The following FHIT variants were observed in gnomAD, a reference collection of about 807,000 sequenced individuals.
FHIT encodes bis(5'-adenosyl)-triphosphatase.
Under a neutral mutation model 17.9 loss-of-function variants are expected in FHIT, and 19 were observed. That is an observed-to-expected ratio of 1.06 (90% CI 0.74 to 1.56). FHIT has a LOEUF of 1.56. Among genes scored for constraint, FHIT ranks in the 40% most tolerant of loss-of-function variants. The pLI, the probability that FHIT is intolerant of heterozygous loss-of-function variation, is 0.00. For synonymous variants in FHIT, 81 were observed against 69.7 expected, an observed-to-expected ratio of 1.16 and a Z score of -0.81; for missense variants, 248 against 189.2, an observed-to-expected ratio of 1.31 and a Z score of -1.82.
intron 4 of FHIT, among the ~76,000 whole-genome samples, chr3:60,780,699 A>T (rs1398039343): frequency 1.3e-5 from 2 of 152,146 alleles, no homozygotes; most frequent in Admixed American, 6.6e-5. Context: ...GTCAGTCTTC[A>T]TCCTTATCCT....
At chr3:61,146,185 T>C (rs1264447963) in intron 2 of FHIT, among the ~76,000 whole-genome samples, 2 of 152,048 alleles carry the variant, frequency 1.3e-5, no homozygotes. Context: ...AGTAGTAAAA[T>C]GAAACATATG....
chr3:61,185,668 T>G (rs1183472282), intron 2 of FHIT, among the ~76,000 whole-genome samples: 1 of 152,160 alleles, frequency 6.6e-6, no homozygotes, highest in African/African-American at 2.4e-5. Flanking sequence ...TAATTCTTAA[T>G]GTTCACAATA....
At chr3:60,519,513 T>C (rs1173257387) in intron 5 of FHIT, among the ~76,000 whole-genome samples, 1 of 152,190 alleles carries the variant, frequency 6.6e-6, no homozygotes, top group Non-Finnish European at 1.5e-5. Context: ...ACTGGAAGCC[T>C]TACCAATAAA....
intron 5 of FHIT, among the ~76,000 whole-genome samples, chr3:60,262,531 T>C (rs1430149236): frequency 2.6e-5 from 4 of 152,048 alleles, no homozygotes; most frequent in African/African-American, 9.7e-5. Flanking sequence ...TGACTATTCT[T>C]ACTCTATCAT....
intron 4 of FHIT, among the ~76,000 whole-genome samples, chr3:60,797,478 G>A (rs978583933): frequency 8.0e-4 from 121 of 151,590 alleles, no homozygotes; most frequent in Non-Finnish European, 1.4e-3. Context: ...AGTAGTAGTA[G>A]TAGTAGTAGT....
chr3:60,187,430 A>C (rs2107457758), intron 5 of FHIT, among the ~76,000 whole-genome samples: 1 of 152,296 alleles, frequency 6.6e-6, no homozygotes, highest in Non-Finnish European at 1.5e-5. Flanking sequence ...AAACTCTTGG[A>C]TTGTTCCATT....
At chr3:59,816,081 C>A (rs1406383597) in intron 8 of FHIT, among the ~76,000 whole-genome samples, 1 of 152,160 alleles carries the variant, frequency 6.6e-6, no homozygotes, top group Non-Finnish European at 1.5e-5. Flanking sequence ...AAAGGCCTGC[C>A]CAGGGTTTCT....
chr3:60,488,607 T>C (rs1326155239), intron 5 of FHIT, among the ~76,000 whole-genome samples: 1 of 152,094 alleles, frequency 6.6e-6, no homozygotes. Flanking sequence ...TAGGGGATAT[T>C]CTCAGAGCAA....
At chr3:59,786,723 T>C (rs1253295361) in intron 8 of FHIT, among the ~76,000 whole-genome samples, 1 of 152,266 alleles carries the variant, frequency 6.6e-6, no homozygotes, top group African/African-American at 2.4e-5. Context: ...CTATGGAGAT[T>C]ATGCCATTGA....
chr3:60,990,078 C>G (rs1287128106), intron 3 of FHIT, among the ~76,000 whole-genome samples: 1 of 151,944 alleles, frequency 6.6e-6, no homozygotes, highest in East Asian at 1.9e-4. Flanking sequence ...CCAGCCCCGC[C>G]CATCACACCC....
intron 7 of FHIT, among the ~76,000 whole-genome samples, chr3:59,925,050 T>C (rs1305998999): frequency 6.6e-6 from 1 of 152,054 alleles, no homozygotes; most frequent in Non-Finnish European, 1.5e-5. Context: ...CTTCTATCTT[T>C]TCTCTTTTTT....
intron 4 of FHIT, among the ~76,000 whole-genome samples, chr3:60,638,095 T>C (rs1171990728): frequency 6.6e-6 from 1 of 152,130 alleles, no homozygotes; most frequent in African/African-American, 2.4e-5. Flanking sequence ...AGAGTAAAAA[T>C]CAATGGTCAC....
chr3:60,438,237 T>C (rs2107319198), intron 5 of FHIT, among the ~76,000 whole-genome samples: 1 of 152,086 alleles, frequency 6.6e-6, no homozygotes, highest in African/African-American at 2.4e-5. Flanking sequence ...ACTGACCCTG[T>C]GCTGATGATA....
chr3:60,375,075 CT>C (rs1341391013), intron 5 of FHIT, among the ~76,000 whole-genome samples: 17 of 149,462 alleles, frequency 1.1e-4, no homozygotes, highest in African/African-American at 4.2e-4. Context: ...ACTTTATGCT[CT>C]TCAAGAATCA....
At chr3:61,142,551 T>G (rs1021311587) in intron 2 of FHIT, among the ~76,000 whole-genome samples, 8 of 152,206 alleles carry the variant, frequency 5.3e-5, no homozygotes, top group Non-Finnish European at 1.0e-4. Context: ...CTCCAGCTCA[T>G]GTCTAAAATT....
At chr3:60,355,765 A>T (rs936894472) in intron 5 of FHIT, among the ~76,000 whole-genome samples, 5 of 152,210 alleles carry the variant, frequency 3.3e-5, no homozygotes, top group African/African-American at 1.2e-4. Flanking sequence ...ACAAATGTCA[A>T]CGAAGTAACT....
intron 4 of FHIT, among the ~76,000 whole-genome samples, chr3:60,586,707 C>A (rs1364054713): frequency 6.6e-6 from 1 of 151,900 alleles, no homozygotes; most frequent in Non-Finnish European, 1.5e-5. Context: ...GTGGATAGAG[C>A]TGGAGGCCAT....
At chr3:60,611,592 G>A (rs1553673627) in intron 4 of FHIT, among the ~76,000 whole-genome samples, 1 of 152,166 alleles carries the variant, frequency 6.6e-6, no homozygotes, top group Non-Finnish European at 1.5e-5. Context: ...AGAGCAATAC[G>A]TGTTGTTTAC....
chr3:60,569,755 A>ATATATATATATATATATTTTTT, intron 4 of FHIT, among the ~76,000 whole-genome samples: 5 of 77,342 alleles, frequency 6.5e-5, no homozygotes, highest in Non-Finnish European at 9.4e-5. Flanking sequence ...ATATATATAT[A>ATATATATATATATATATTTTTT]TTTTTTTTTT....
Sources: allele counts gnomAD v4.1 joint callset (sites outside exome capture counted in the v4.1 genomes callset), GRCh38; gene constraint gnomAD v4.1.1; transcripts MANE v1.5; gene names NCBI Gene and HGNC (gene_info 2026-07-23, HGNC 2026-07-21).